LRGUK: variants seen among roughly 807,000 people sequenced by gnomAD.
The protein encoded by LRGUK is leucine rich repeats and guanylate kinase domain containing.
LRGUK carries 65 observed loss-of-function variants against 76.0 expected under a neutral mutation model. The observed-to-expected ratio is 0.85, with a 90% CI of 0.70 to 1.05. The LOEUF is 1.05. Ranked by LOEUF, LRGUK falls within the 50% of genes least tolerant of loss-of-function variation. The pLI is 0.00. For synonymous variants in LRGUK, 268 were observed against 265.6 expected (o/e 1.01, Z -0.09); for missense variants, 758 against 732.8 (o/e 1.03, Z -0.40).
At chr7:134,149,108 TAA>T (rs5887660) in intron 5 of LRGUK, among the ~76,000 whole-genome samples, 8 of 148,956 alleles carry the variant, frequency 5.4e-5, no homozygotes, top group Admixed American at 2.0e-4. Context: ...TTTCTTTTTT[TAA>T]AAAAAAAAAA....
At chr7:134,223,623 C>T (rs528086276) in intron 16 of LRGUK, among the ~76,000 whole-genome samples, 24 of 152,224 alleles carry the variant, frequency 1.6e-4, no homozygotes, top group Admixed American at 2.0e-4. Context: ...TCAAGAATCC[C>T]GAGAGTTACA....
chr7:134,176,592 G>T (rs541479318), intron 8 of LRGUK, among the ~76,000 whole-genome samples: 1 of 152,176 alleles, frequency 6.6e-6, no homozygotes, highest in African/African-American at 2.4e-5. Flanking sequence ...ATGTTAGCCA[G>T]GATGTTCTCG....
intron 1 of LRGUK, among the ~76,000 whole-genome samples, chr7:134,134,919 A>AT (rs113983953): frequency 2.0e-5 from 3 of 150,938 alleles, no homozygotes; most frequent in Non-Finnish European, 4.4e-5. Flanking sequence ...TTTTATGTCC[A>AT]TTTTTTTTTC....
At chr7:134,178,884 A>G (rs73439486) in intron 10 of LRGUK, among the ~76,000 whole-genome samples, 1,450 of 129,172 alleles carry the variant, frequency 0.011, 32 homozygotes, top group African/African-American at 0.04. Flanking sequence ...TTTTCTGGCC[A>G]CTTGTATGGT....
chr7:134,197,074 G>A lies in LRGUK; in HGVS notation c.1514G>A (p.Gly505Asp), dbSNP rs373040782. 5.6e-6 allele frequency: 9 copies of A among 1,610,166 alleles called. No homozygotes were observed. In the African/African-American group the frequency reaches 9.4e-5, roughly 17 times the overall value. ...ACCGTAGAAGGTATCGCAAGAGATG[G>A]TTTGGCAAGCTGTATTCATATGGAA... The change falls in exon 13 of 16, where the codon GGT becomes GAT. Residue 505 changes from glycine to aspartate, a missense_variant. By Grantham distance (94) the Gly-to-Asp change is moderately conservative. Transcript: ENST00000645682.
At chr7:134,225,526 G>T (rs532906621) in intron 16 of LRGUK, among the ~76,000 whole-genome samples, 17 of 152,152 alleles carry the variant, frequency 1.1e-4, no homozygotes, top group Non-Finnish European at 1.9e-4. Context: ...GCCTCTCAGT[G>T]CTAGTAGTTT....
At chr7:134,242,909 CA>C (rs1802201060) in intron 16 of LRGUK, among the ~76,000 whole-genome samples, 1 of 152,120 alleles carries the variant, frequency 6.6e-6, no homozygotes, top group Admixed American at 6.6e-5. Flanking sequence ...ATACGCAAAT[CA>C]ATAAAGGTAA....
At chr7:134,146,505 C>T (rs1401491105) in intron 4 of LRGUK, among the ~76,000 whole-genome samples, 2 of 152,274 alleles carry the variant, frequency 1.3e-5, no homozygotes, top group East Asian at 1.9e-4. Flanking sequence ...GCCAAACTGA[C>T]TTATTTCATA....
chr7:134,153,363 T>C (rs1433996305), intron 5 of LRGUK, among the ~76,000 whole-genome samples: 1 of 152,170 alleles, frequency 6.6e-6, no homozygotes, highest in African/African-American at 2.4e-5. Flanking sequence ...TGATGATTAA[T>C]TGATAATTAT....
intron 4 of LRGUK, among the ~76,000 whole-genome samples, chr7:134,146,107 C>T (rs2116859222): frequency 6.6e-6 from 1 of 152,078 alleles, no homozygotes; most frequent in South Asian, 2.1e-4. Context: ...AACCCTGCCT[C>T]AACTAGAAAT....
At chr7:134,192,547 T>G (rs1800300438) in intron 12 of LRGUK, among the ~76,000 whole-genome samples, 1 of 152,236 alleles carries the variant, frequency 6.6e-6, no homozygotes, top group African/African-American at 2.4e-5. Flanking sequence ...TTTGAATTCA[T>G]TTTCTTCAAA....
chr7:134,227,921 T>C (rs1801802257), intron 16 of LRGUK, among the ~76,000 whole-genome samples: 1 of 151,972 alleles, frequency 6.6e-6, no homozygotes, highest in South Asian at 2.1e-4. Flanking sequence ...TGTTATTGAA[T>C]CCTAAAAGGA....
At chr7:134,171,544 C>T (rs1408724116) in intron 7 of LRGUK, among the ~76,000 whole-genome samples, 1 of 151,690 alleles carries the variant, frequency 6.6e-6, no homozygotes, top group East Asian at 1.9e-4. Flanking sequence ...TGCTTAGAGA[C>T]TATGGCCTTG....
chr7:134,162,775 C>T (rs760647891), intron 6 of LRGUK, among the ~76,000 whole-genome samples: 200 of 135,772 alleles, frequency 1.5e-3, no homozygotes, highest in Non-Finnish European at 2.6e-3. Flanking sequence ...TGCAGTGAGC[C>T]GAGGTCGTGC....
intron 16 of LRGUK, among the ~76,000 whole-genome samples, chr7:134,229,401 T>C (rs2117170810): frequency 6.6e-6 from 1 of 151,562 alleles, no homozygotes; most frequent in South Asian, 2.1e-4. Flanking sequence ...TATCTATCTA[T>C]CTATCTATCT....
downstream of LRGUK, among the ~76,000 whole-genome samples, chr7:134,265,144 G>A (rs1464798090): frequency 1.3e-5 from 2 of 152,072 alleles, no homozygotes; most frequent in East Asian, 1.9e-4. Flanking sequence ...GGGAGGAAGA[G>A]GATATGTCTC....
chr7:134,231,778 C>T (rs563408720), intron 16 of LRGUK, among the ~76,000 whole-genome samples: 3,757 of 136,198 alleles, frequency 0.028, 192 homozygotes, highest in East Asian at 0.083. Flanking sequence ...CTTCCTCCGT[C>T]CGTCCCTCCC....
exon 1 of LRGUK, chr7:134,127,348 A>C: frequency 6.4e-7 from 1 of 1,570,240 alleles, no homozygotes. Flanking sequence ...TCAGTCTCCT[A>C]GGCAACCCCG....
chr7:134,174,287 A>C (rs1345537265), intron 7 of LRGUK, among the ~76,000 whole-genome samples: 2 of 152,112 alleles, frequency 1.3e-5, no homozygotes, highest in Non-Finnish European at 2.9e-5. Context: ...TTCTGCCTTA[A>C]AGTGAACATG....
Sources: allele counts gnomAD v4.1 joint callset (sites outside exome capture counted in the v4.1 genomes callset), GRCh38; gene constraint gnomAD v4.1.1; transcripts MANE v1.5; gene names NCBI Gene and HGNC (gene_info 2026-07-23, HGNC 2026-07-21).